The following MCHR2 variants were observed in gnomAD, a reference collection of about 807,000 sequenced individuals.
MCHR2 encodes melanin-concentrating hormone receptor 2.
MCHR2 carries 15 observed loss-of-function variants against 24.8 expected under a neutral mutation model. The observed-to-expected ratio is 0.60, with a 90% CI of 0.40 to 0.93. The LOEUF is 0.93. Among genes scored for constraint, MCHR2 ranks in the 40% least tolerant of loss-of-function variants. The pLI is 0.00. For missense variants in MCHR2, 386 were observed against 408.7 expected, an observed-to-expected ratio of 0.94 and a Z score of 0.48; for synonymous variants, 151 against 147.6, an observed-to-expected ratio of 1.02 and a Z score of -0.17.
intron 1 of MCHR2, among the ~76,000 whole-genome samples, chr6:99,987,744 T>C (rs1040434672): frequency 1.8e-4 from 28 of 151,930 alleles, no homozygotes; most frequent in African/African-American, 6.3e-4. Flanking sequence ...TAAAAAACAA[T>C]AAAAATTGAA....
chr6:99,953,191 C>A (rs1774997346), intron 2 of MCHR2, among the ~76,000 whole-genome samples: 1 of 152,130 alleles, frequency 6.6e-6, no homozygotes, highest in Admixed American at 6.6e-5. Context: ...ATTTCTCTGG[C>A]TCCAGACATC....
chr6:99,950,818 C>A (rs570943306), intron 2 of MCHR2, among the ~76,000 whole-genome samples: 1 of 152,078 alleles, frequency 6.6e-6, no homozygotes, highest in East Asian at 1.9e-4. Flanking sequence ...TCATGCTTAC[C>A]TTTTGCCATC....
intron 1 of MCHR2, 106 bp from the exon 2 acceptor site, chr6:99,956,280 T>C: frequency 1.3e-6 from 1 of 758,880 alleles, no homozygotes. Flanking sequence ...AAAACCAAGA[T>C]TCCATGGAAC....
chr6:99,989,369 T>C (rs1156503677), intron 1 of MCHR2, among the ~76,000 whole-genome samples: 1 of 152,214 alleles, frequency 6.6e-6, no homozygotes, highest in Non-Finnish European at 1.5e-5. Flanking sequence ...TGCCAGATAC[T>C]GTGTTAAGTA....
At chr6:99,975,022 G>C (rs1775519271) in intron 1 of MCHR2, among the ~76,000 whole-genome samples, 1 of 152,216 alleles carries the variant, frequency 6.6e-6, no homozygotes, top group Non-Finnish European at 1.5e-5. Context: ...CGGCGGTCAG[G>C]GACCCACTTG....
intron 3 of MCHR2, 30 bp downstream of exon 3, chr6:99,947,732 T>C (rs533242795): frequency 4.4e-6 from 7 of 1,603,528 alleles, no homozygotes; most frequent in South Asian, 2.2e-5. Flanking sequence ...CTCTGAATTA[T>C]ATTAAGATAT....
intron 3 of MCHR2, among the ~76,000 whole-genome samples, chr6:99,946,565 A>G (rs1018836449): frequency 5.3e-5 from 8 of 152,094 alleles, no homozygotes; most frequent in African/African-American, 1.9e-4. Context: ...TCATTCATTC[A>G]TCAATATTTT....
chr6:99,978,902 A>C (rs1775612516), intron 1 of MCHR2, among the ~76,000 whole-genome samples: 1 of 152,116 alleles, frequency 6.6e-6, no homozygotes, highest in Non-Finnish European at 1.5e-5. Context: ...CGTTGGTTGG[A>C]GTACAGGCAG....
chr6:99,926,751 A>G (rs1017385707), intron 5 of MCHR2, among the ~76,000 whole-genome samples: 1 of 151,950 alleles, frequency 6.6e-6, no homozygotes, highest in African/African-American at 2.4e-5. Flanking sequence ...TTGTCAGATG[A>G]GTAGGTTGTG....
chr6:99,991,821 A>AAAAAG (rs1468349481), intron 1 of MCHR2, among the ~76,000 whole-genome samples: 1 of 151,460 alleles, frequency 6.6e-6, no homozygotes, highest in African/African-American at 2.4e-5. Flanking sequence ...AAAAAAAAAA[A>AAAAAG]AAAAAGAAAA....
At chr6:99,931,196 A>T (rs1012785092) in intron 5 of MCHR2, among the ~76,000 whole-genome samples, 1 of 152,200 alleles carries the variant, frequency 6.6e-6, no homozygotes, top group Non-Finnish European at 1.5e-5. Flanking sequence ...TTCCCCTGGA[A>T]GTTTTGTCTC....
At chr6:99,957,472 G>A (rs1775087726) in intron 1 of MCHR2, among the ~76,000 whole-genome samples, 1 of 152,042 alleles carries the variant, frequency 6.6e-6, no homozygotes, top group Admixed American at 6.6e-5. Context: ...CTCCCCTGAA[G>A]AGAATTTTAA....
intron 1 of MCHR2, among the ~76,000 whole-genome samples, chr6:99,968,251 C>G (rs1194458335): frequency 2.0e-5 from 3 of 152,080 alleles, no homozygotes; most frequent in African/African-American, 7.2e-5. Flanking sequence ...GTTGTTAGTC[C>G]TTAATCTACA....
intron 5 of MCHR2, among the ~76,000 whole-genome samples, chr6:99,928,189 A>G (rs1044239675): frequency 2.0e-5 from 3 of 152,208 alleles, no homozygotes; most frequent in African/African-American, 7.2e-5. Flanking sequence ...GATGAAGCCC[A>G]CTTGATCATG....
rs1368549609 is a variant in MCHR2 at position 99,991,457 on chromosome 6, A to G, written c.-28+2479T>C. 2.0e-5 allele frequency among the ~76,000 whole-genome samples: 3 copies of G among 152,190 alleles called. No homozygotes were observed. The East Asian group carries it at 5.8e-4, about 29-fold the overall frequency. On this transcript the variant is annotated intron_variant, in intron 1 of 5. Coordinates refer to ENST00000281806, the MANE Select transcript of MCHR2 (RefSeq NM_001040179.2). ...AACCTGTCTGAGCCTCAGTTTCCCC[A>G]TAGGTGAGGTGAGAATAATACTCTC...
Position 99,956,078 on chromosome 6 carries a change from A to C in MCHR2, c.70T>G (p.Phe24Val). The change falls in exon 2 of 6, where the codon TTT becomes GTT. Residue 24 changes from phenylalanine to valine, a missense_variant. By Grantham distance (50) the Phe-to-Val change is conservative. Coordinates refer to ENST00000281806, the MANE Select transcript of MCHR2 (RefSeq NM_001040179.2). Reference protein sequence around the residue: ...ELLNKSWNKEFAYQTASVVDT... With the variant: ...ELLNKSWNKEVAYQTASVVDT... The stretch of plus-strand genomic sequence containing the variant: ...ACCACACTGGCAGTTTGATAAGCAA[A>C]CTCTTTATTCCAGGATTTGTTTAAA... 1 of 1,613,390 alleles carries C rather than the reference A, an allele frequency of 6.2e-7. No individual in the cohort carries two copies. The highest frequency in any genetic ancestry group is 2.2e-5 in the East Asian group (1 of 44,836).
intron 2 of MCHR2, 101 bp downstream of exon 2, chr6:99,955,865 A>T: frequency 1.0e-6 from 1 of 992,346 alleles, no homozygotes; most frequent in Non-Finnish European, 1.4e-6. Context: ...ATTGCATTTC[A>T]TTAAGCAAAA....
At chr6:99,959,371 C>T (rs946203383) in intron 1 of MCHR2, among the ~76,000 whole-genome samples, 16 of 151,840 alleles carry the variant, frequency 1.1e-4, no homozygotes, top group African/African-American at 3.9e-4. Context: ...AGCTATGCTG[C>T]TTGGTGAAGA....
chr6:99,927,397 A>G (rs982025326), intron 5 of MCHR2, among the ~76,000 whole-genome samples: 7 of 152,084 alleles, frequency 4.6e-5, no homozygotes, highest in Non-Finnish European at 8.8e-5. Flanking sequence ...CTTGATGGGG[A>G]TGGCATTGAA....
Sources: gnomAD v4.1 joint callset for allele counts (sites outside exome capture counted in the v4.1 genomes callset) on GRCh38, gnomAD v4.1.1 for gene constraint, MANE v1.5 for transcripts, NCBI Gene and HGNC (gene_info 2026-07-23, HGNC 2026-07-21) for gene names.